CSMD3: variants seen among roughly 807,000 people sequenced by gnomAD.
The protein encoded by CSMD3 is CUB and Sushi multiple domains 3.
In CSMD3, 177 loss-of-function variants were observed where a neutral mutation model predicts 435.2. The ratio of observed to expected loss-of-function variants is 0.41; its 90% CI spans 0.36 to 0.46. The LOEUF (loss-of-function observed/expected upper bound fraction) is 0.46. Among genes scored for constraint, CSMD3 ranks in the 20% least tolerant of loss-of-function variants. The probability of loss-of-function intolerance (pLI) is 0.34; values close to 1 mark genes in which losing one functional copy is unlikely to be tolerated. For missense variants in CSMD3, 4,265 were observed against 4,504.6 expected (o/e 0.95, Z 1.52); for synonymous variants, 1,656 against 1,520.5 (o/e 1.09, Z -2.07).
chr8:112,511,682 G>T (rs573948009), intron 28 of CSMD3, among the ~76,000 whole-genome samples: 1 of 152,106 alleles, frequency 6.6e-6, no homozygotes, highest in Non-Finnish European at 1.5e-5. Context: ...GAGCCACCAC[G>T]CCCGGGGTGG....
chr8:112,651,889 C>T (rs764198642), intron 18 of CSMD3, among the ~76,000 whole-genome samples: 1 of 152,052 alleles, frequency 6.6e-6, no homozygotes, highest in Non-Finnish European at 1.5e-5. Flanking sequence ...CTCTTTTCCT[C>T]CACAAAATAT....
chr8:112,597,199 C>T (rs1046077502), intron 22 of CSMD3, among the ~76,000 whole-genome samples: 3 of 151,134 alleles, frequency 2.0e-5, no homozygotes, highest in Non-Finnish European at 1.5e-5. Context: ...CCACCAATCC[C>T]ACAGAAATAC....
chr8:112,385,487 C>T (rs1382705773), intron 36 of CSMD3, among the ~76,000 whole-genome samples: 2 of 151,996 alleles, frequency 1.3e-5, no homozygotes, highest in Non-Finnish European at 1.5e-5. Context: ...TTTCAGAAGT[C>T]GGAGGAAGAA....
At chr8:113,209,825 G>A (rs1454048608) in intron 3 of CSMD3, among the ~76,000 whole-genome samples, 1 of 151,998 alleles carries the variant, frequency 6.6e-6, no homozygotes, top group African/African-American at 2.4e-5. Flanking sequence ...ATGAGTTTGT[G>A]TACAGAATAT....
At chr8:112,537,069 A>G (rs989775179) in intron 27 of CSMD3, among the ~76,000 whole-genome samples, 11 of 152,070 alleles carry the variant, frequency 7.2e-5, no homozygotes, top group Admixed American at 7.2e-4. Flanking sequence ...ACCTAATGCT[A>G]AATGACGAGA....
At position 112,573,526 on chromosome 8, in the gene CSMD3, A is replaced by C. The variant is rs1829699412; in HGVS notation, c.4017T>G (p.Asp1339Glu). Residue 1339 changes from aspartate to glutamate, a missense_variant, in exon 24 of 71, where the codon GAT becomes GAG. Around this residue, in one of 3 missense-constraint regions of CSMD3, gnomAD observed 3,255 missense variants for 3,380.2 expected, o/e 0.96. Transcript: ENST00000297405. ...TGGTATACACAAGTTGAAAGCCTTCATCTGTCCCTTCAGTATCGGAATTAA... is the reference window on the plus strand; with the variant it reads ...TGGTATACACAAGTTGAAAGCCTTCCTCTGTCCCTTCAGTATCGGAATTAA... ...LEFNSDTEGT[D>E]EGFQLVYTSF... 1.2e-6 allele frequency: 2 copies of C among 1,613,418 alleles called. No individual in the cohort carries two copies. The highest frequency in any genetic ancestry group is 1.7e-6 in the Non-Finnish European group (2 of 1,179,600).
intron 1 of CSMD3, among the ~76,000 whole-genome samples, chr8:113,399,948 G>GTGTA (rs1554629847): frequency 6.7e-6 from 1 of 148,926 alleles, no homozygotes; most frequent in Non-Finnish European, 1.5e-5. Flanking sequence ...TCTATTCTGT[G>GTGTA]TATATATATA....
chr8:112,867,010 T>C (rs559259280), intron 10 of CSMD3, among the ~76,000 whole-genome samples: 4 of 152,212 alleles, frequency 2.6e-5, no homozygotes, highest in South Asian at 2.1e-4. Flanking sequence ...ATGTTTCTCA[T>C]TGGGCTGTGT....
chr8:112,669,082 G>A (rs2075595032), intron 16 of CSMD3, among the ~76,000 whole-genome samples: 1 of 151,474 alleles, frequency 6.6e-6, no homozygotes, highest in Non-Finnish European at 1.5e-5. Flanking sequence ...GCCCAGGCTG[G>A]AGTGCAATTG....
chr8:112,771,585 A>T (rs764661104), intron 13 of CSMD3, among the ~76,000 whole-genome samples: 1 of 151,926 alleles, frequency 6.6e-6, no homozygotes, highest in Non-Finnish European at 1.5e-5. Context: ...TTTGGGATTG[A>T]AAGTAGCAGT....
intron 7 of CSMD3, 63 bp from the exon 8 acceptor site, chr8:112,954,824 T>G: frequency 9.6e-7 from 1 of 1,044,350 alleles, no homozygotes; most frequent in Non-Finnish European, 1.5e-6. Flanking sequence ...AAATTCAAGT[T>G]AACAAATTTT....
intron 13 of CSMD3, among the ~76,000 whole-genome samples, chr8:112,692,406 T>C (rs980112238): frequency 1.3e-5 from 2 of 152,284 alleles, no homozygotes; most frequent in Admixed American, 6.5e-5. Context: ...GATCTATCAT[T>C]TTGTTGCTGC....
intron 32 of CSMD3, among the ~76,000 whole-genome samples, chr8:112,470,906 A>G (rs1818455810): frequency 6.6e-6 from 1 of 152,000 alleles, no homozygotes; most frequent in African/African-American, 2.4e-5. Flanking sequence ...AAAAAACAAG[A>G]AGATTCATTT....
At chr8:112,336,993 AAT>A (rs1168133259) in intron 43 of CSMD3, among the ~76,000 whole-genome samples, 164 bp from the exon 44 acceptor site, 1 of 152,194 alleles carries the variant, frequency 6.6e-6, no homozygotes, top group Non-Finnish European at 1.5e-5. Flanking sequence ...CAGTGCACAA[AAT>A]AGAGTCAACT....
At position 113,069,516 on chromosome 8, in the gene CSMD3, G is replaced by A. The variant is rs552734336; in HGVS notation, c.917+29240C>T. Among the ~76,000 whole-genome samples the A allele has an allele frequency of 3.9e-5, 6 of 152,178 alleles. No individual in the cohort carries two copies. The East Asian group carries it at 1.2e-3, about 29-fold the overall frequency. Reference sequence around the variant, plus strand: ...AACACTTTTTAACTGTTAGAATTCTGTTTGAATTCAGTGAACAAAAATCTG... The same window carrying A: ...AACACTTTTTAACTGTTAGAATTCTATTTGAATTCAGTGAACAAAAATCTG... On this transcript the variant is annotated intron_variant, in intron 5 of 70. Coordinates refer to ENST00000297405, the MANE Select transcript of CSMD3 (RefSeq NM_198123.2).
chr8:112,241,804 G>T lies in CSMD3; in HGVS notation c.10403-19C>A. ...GAACCAGCTATGAAAAGAAATAAAG[G>T]TGTTTACAAAAGTTGATGCAATTAA... On this transcript the variant is annotated intron_variant, in intron 65 of 70. Coordinates refer to ENST00000297405, the MANE Select transcript of CSMD3 (RefSeq NM_198123.2). 1 of 1,581,306 alleles carries T rather than the reference G, an allele frequency of 6.3e-7. No homozygotes were observed. The highest frequency in any genetic ancestry group is 1.1e-5 in the South Asian group (1 of 90,388).
At chr8:112,632,249 A>G (rs2131560594) in intron 22 of CSMD3, among the ~76,000 whole-genome samples, 1 of 152,178 alleles carries the variant, frequency 6.6e-6, no homozygotes, top group South Asian at 2.1e-4. Flanking sequence ...TTTTAAACTA[A>G]GAAATAAATA....
chr8:112,985,832 T>C (rs1431145688), intron 6 of CSMD3, among the ~76,000 whole-genome samples: 2 of 152,144 alleles, frequency 1.3e-5, no homozygotes, highest in East Asian at 1.9e-4. Context: ...GACCACCTCA[T>C]TGCAAGAAAA....
intron 22 of CSMD3, among the ~76,000 whole-genome samples, chr8:112,601,522 G>A (rs564633648): frequency 6.6e-6 from 1 of 152,166 alleles, no homozygotes; most frequent in Non-Finnish European, 1.5e-5. Context: ...ATACTACAAA[G>A]CAAAAGGTGC....
Sources: allele counts gnomAD v4.1 joint callset (sites outside exome capture counted in the v4.1 genomes callset), GRCh38; gene constraint gnomAD v4.1.1; regional missense constraint gnomAD v4.1.1; transcripts MANE v1.5; gene names NCBI Gene and HGNC (gene_info 2026-07-23, HGNC 2026-07-21).